Variants in COL26A1 observed in about 807,000 individuals in gnomAD.
COL26A1 encodes collagen type XXVI alpha 1 chain.
COL26A1 carries 41 observed loss-of-function variants against 59.3 expected under a neutral mutation model. The ratio of observed to expected loss-of-function variants is 0.69; its 90% CI spans 0.54 to 0.90. The LOEUF is 0.90. Ranked by LOEUF, COL26A1 falls within the 40% of genes least tolerant of loss-of-function variation. The probability of loss-of-function intolerance (pLI) is 0.00; values close to 1 mark genes in which losing one functional copy is unlikely to be tolerated. For missense variants in COL26A1, 612 were observed against 602.3 expected, an observed-to-expected ratio of 1.02 and a Z score of -0.17; for synonymous variants, 266 against 256.0, an observed-to-expected ratio of 1.04 and a Z score of -0.37.
chr7:101,365,715 T>G (rs958024409), intron 1 of COL26A1, among the ~76,000 whole-genome samples: 9 of 151,986 alleles, frequency 5.9e-5, no homozygotes, highest in African/African-American at 2.2e-4. Context: ...TGAGCCACTG[T>G]GCTTGGTCCC....
At chr7:101,456,008 A>T (rs972402460) in intron 3 of COL26A1, among the ~76,000 whole-genome samples, 9 of 151,996 alleles carry the variant, frequency 5.9e-5, no homozygotes, top group Non-Finnish European at 1.3e-4. Context: ...TTCTCACATA[A>T]ATTATCATGA....
intron 1 of COL26A1, among the ~76,000 whole-genome samples, chr7:101,413,786 C>T (rs188559383): frequency 1.3e-5 from 2 of 152,180 alleles, no homozygotes; most frequent in East Asian, 1.9e-4. Context: ...CTTGGCAGTT[C>T]GAGGACCAGG....
At chr7:101,480,979 G>A (rs1375271384) in intron 3 of COL26A1, among the ~76,000 whole-genome samples, 2 of 152,218 alleles carry the variant, frequency 1.3e-5, no homozygotes, top group African/African-American at 4.8e-5. Flanking sequence ...ATCCTGGGCA[G>A]GAGTTGATTT....
Position 101,435,129 on chromosome 7 carries a change from A to AGTTCGAGATCAGAGTTCACTATGTTG in COL26A1, c.282-12554_282-12553insTTCGAGATCAGAGTTCACTATGTTGG, listed in dbSNP as rs1230146267. 2.6e-5 allele frequency among the ~76,000 whole-genome samples: 4 copies of AGTTCGAGATCAGAGTTCACTATGTTG among 152,176 alleles called. No individual in the cohort carries two copies. The East Asian group carries it at 5.8e-4, about 22-fold the overall frequency. ...CACCTGAGATCAGGAGTTCGAGACC[A>AGTTCGAGATCAGAGTTCACTATGTTG]GCCTGGCCAACATAGTGAAACCCTG... On this transcript the variant is annotated intron_variant, in intron 2 of 12. Transcript: ENST00000313669.
At chr7:101,532,485 T>C (rs572893659) in intron 3 of COL26A1, among the ~76,000 whole-genome samples, 64 of 152,296 alleles carry the variant, frequency 4.2e-4, no homozygotes, top group African/African-American at 1.5e-3. Context: ...ATGTACTCTT[T>C]CAGAATGCAT....
chr7:101,381,509 G>C (rs1479209950), intron 1 of COL26A1, among the ~76,000 whole-genome samples: 1 of 152,116 alleles, frequency 6.6e-6, no homozygotes, highest in African/African-American at 2.4e-5. Context: ...AAATTTATTG[G>C]CTCATGGCTC....
intron 3 of COL26A1, among the ~76,000 whole-genome samples, chr7:101,457,158 C>T (rs755050563): frequency 2.0e-5 from 3 of 152,046 alleles, no homozygotes; most frequent in Non-Finnish European, 4.4e-5. Flanking sequence ...GGTCCTTGGG[C>T]ACTGAGTCCA....
chr7:101,464,214 T>G (rs943486975), intron 3 of COL26A1, among the ~76,000 whole-genome samples: 1 of 151,838 alleles, frequency 6.6e-6, no homozygotes, highest in Non-Finnish European at 1.5e-5. Context: ...GATCCTCCCA[T>G]ATCAGCTTTC....
chr7:101,391,465 C>T (rs949298233), intron 1 of COL26A1, among the ~76,000 whole-genome samples: 3 of 152,186 alleles, frequency 2.0e-5, no homozygotes, highest in African/African-American at 7.2e-5. Flanking sequence ...ATTTCAGAAG[C>T]AAACTAGAGT....
chr7:101,410,781 T>C (rs946116413), intron 1 of COL26A1, among the ~76,000 whole-genome samples: 17 of 152,156 alleles, frequency 1.1e-4, no homozygotes, highest in African/African-American at 4.1e-4. Flanking sequence ...CATTACAACC[T>C]CTGCCTCCTA....
At chr7:101,540,246 T>C (rs17135606) in intron 5 of COL26A1, among the ~76,000 whole-genome samples, 197 bp downstream of exon 5, 5,403 of 152,258 alleles carry the variant, frequency 0.035, 161 homozygotes, top group Middle Eastern at 0.082. Context: ...TCTTAAGAAG[T>C]AGACGATCTG....
At position 101,555,838 on chromosome 7, in the gene COL26A1, G is replaced by C. The variant is rs1795963023; in HGVS notation, c.1132G>C (p.Val378Leu). The C allele has an allele frequency of 1.2e-6, 2 of 1,611,910 alleles. No individual in the cohort carries two copies. The highest frequency in any genetic ancestry group is 2.7e-5 in the African/African-American group (2 of 74,990). ...GGCCCTGAAGATCCTGGCAGAGCGA[G>C]TCCTCATCCTGGAGCACATGATTGG... Reference protein sequence around the residue: ...REALKILAERVLILEHMIGIH... With the variant: ...REALKILAERLLILEHMIGIH... The change falls in exon 12 of 13, where the codon GTC (valine) becomes CTC (leucine). Residue 378 changes from valine (V) to leucine (L), a missense_variant. By Grantham distance (32) the Val-to-Leu change is conservative. Coordinates refer to ENST00000313669, the MANE Select transcript of COL26A1 (RefSeq NM_001278563.3).
At chr7:101,489,647 T>G (rs559004099) in intron 3 of COL26A1, among the ~76,000 whole-genome samples, 923 of 74,466 alleles carry the variant, frequency 0.012, 23 homozygotes, top group African/African-American at 0.02. Context: ...CTTTCTTTCT[T>G]TCTTTCTTTC....
At chr7:101,439,892 C>A (rs895483977) in intron 2 of COL26A1, among the ~76,000 whole-genome samples, 1 of 152,190 alleles carries the variant, frequency 6.6e-6, no homozygotes, top group African/African-American at 2.4e-5. Flanking sequence ...TCCCACCAAG[C>A]AGCAAAGTTG....
At chr7:101,491,161 C>T (rs919827355) in intron 3 of COL26A1, among the ~76,000 whole-genome samples, 3 of 151,948 alleles carry the variant, frequency 2.0e-5, no homozygotes, top group Admixed American at 6.6e-5. Flanking sequence ...TGTGCATGCT[C>T]CCCCCTGCAC....
intron 1 of COL26A1, among the ~76,000 whole-genome samples, chr7:101,387,736 T>TTATATA (rs369463267): frequency 9.4e-6 from 1 of 106,938 alleles, no homozygotes; most frequent in Non-Finnish European, 1.8e-5. Flanking sequence ...TTTAATATAA[T>TTATATA]TATATATATA....
chr7:101,363,067 G>A lies in COL26A1; in HGVS notation c.35G>A (p.Cys12Tyr). ...KLALLLPWAC[C>Y]CLCGSALATG... is the part of the protein sequence containing the mutation. ...GCCCTGCTCCTGCCCTGGGCGTGTT[G>A]CTGCCTCTGCGGGTCGGCGCTGGCC... is the stretch of plus-strand genomic sequence containing the variant. The change falls in exon 1 of 13, where the codon TGC (cysteine) becomes TAC (tyrosine). Residue 12 changes from cysteine (C) to tyrosine (Y), a missense_variant. Cys to Tyr is a radical substitution (Grantham distance 194). Coordinates refer to ENST00000313669, the MANE Select transcript of COL26A1 (RefSeq NM_001278563.3). 6.3e-7 allele frequency: 1 copy of A among 1,581,534 alleles called. No individual in the cohort carries two copies. The highest frequency in any genetic ancestry group is 8.5e-7 in the Non-Finnish European group (1 of 1,172,610).
rs139069934 is a variant in COL26A1, at chr7:101,556,873, A to T, written c.1166-497A>T. 9.4e-3 allele frequency among the ~76,000 whole-genome samples: 1,424 copies of T among 151,486 alleles called. 14 individuals are homozygous for T. Among genetic ancestry groups the T allele is most frequent in the Middle Eastern group, 0.027 (8 of 294 alleles). ...AATGAGTGAATGAATGGATAGATGC[A>T]TAGATAAATGAATGACTGAGTGGAT... is the stretch of plus-strand genomic sequence containing the variant. On this transcript the variant is annotated intron_variant, in intron 12 of 12. Transcript: ENST00000313669.
intron 2 of COL26A1, among the ~76,000 whole-genome samples, chr7:101,433,129 C>G (rs962304282): frequency 1.3e-5 from 2 of 152,004 alleles, no homozygotes; most frequent in Non-Finnish European, 2.9e-5. Flanking sequence ...TTGAGACCAG[C>G]CTGGGCAACA....
Sources: allele counts gnomAD v4.1 joint callset (sites outside exome capture counted in the v4.1 genomes callset), GRCh38; gene constraint gnomAD v4.1.1; transcripts MANE v1.5; gene names NCBI Gene and HGNC (gene_info 2026-07-23, HGNC 2026-07-21).